Variants in ZNF471 observed in about 807,000 individuals in gnomAD.
ZNF471 encodes the protein EZFIT-related protein 1.
ZNF471 carries 7 observed loss-of-function variants against 13.7 expected under a neutral mutation model. The observed-to-expected ratio is 0.51, with a 90% CI of 0.29 to 0.96. The LOEUF (loss-of-function observed/expected upper bound fraction) is 0.96. Among genes scored for constraint, ZNF471 ranks in the 40% least tolerant of loss-of-function variants. The pLI, the probability that ZNF471 is intolerant of heterozygous loss-of-function variation, is 0.08. For synonymous variants in ZNF471, 218 were observed against 235.6 expected (o/e 0.93, Z 0.68); for missense variants, 663 against 743.3 (o/e 0.89, Z 1.26).
rs186228630 is a variant in ZNF471, at chr19:56,525,509, A to G, written c.1442A>G (p.His481Arg). The G allele has an allele frequency of 1.2e-6, 2 of 1,614,178 alleles. No homozygotes were observed. The highest frequency in any genetic ancestry group is 2.2e-5 in the East Asian group (1 of 44,874). The change falls in exon 5 of 5, where the codon CAT becomes CGT. Residue 481 changes from histidine (H) to arginine (R), a missense_variant. His to Arg is a conservative substitution (Grantham distance 29). Transcript: ENST00000308031. ...CACCTTGTTAGTCATTTGAGAATTCATACTGGTGAAAAACCCTATGAATGT... is the reference window on the plus strand; with the variant it reads ...CACCTTGTTAGTCATTTGAGAATTCGTACTGGTGAAAAACCCTATGAATGT... ...NVHLVSHLRI[H>R]TGEKPYECKE... is the part of the protein sequence containing the mutation.
chr19:56,517,603 C>T (rs1313864206), intron 3 of ZNF471, among the ~76,000 whole-genome samples: 2 of 152,048 alleles, frequency 1.3e-5, no homozygotes, highest in Admixed American at 6.6e-5. Context: ...CTGTGCCTGA[C>T]CTAATTTTTG....
rs1213521211 is a variant in ZNF471, at chr19:56,508,973, G to A, written c.-56+1053G>A. Among the ~76,000 whole-genome samples, 1 of 152,232 alleles carries A rather than the reference G, an allele frequency of 6.6e-6. No homozygotes were observed. Among genetic ancestry groups the A allele is most frequent in the Non-Finnish European group, 1.5e-5 (1 of 68,046 alleles). The stretch of plus-strand genomic sequence containing the variant: ...GACTAGGTTATGTTGTTATGAGTTT[G>A]TGAGAGAGAGGGAGGCGATCAAAGT... On this transcript the variant is annotated intron_variant, in intron 1 of 4. Coordinates refer to ENST00000308031, the MANE Select transcript of ZNF471 (RefSeq NM_020813.4). The surrounding 1 kb of genome is among the most constrained non-coding windows in gnomAD (Gnocchi z 4.7).
At chr19:56,515,770 CTTCAAT>C (rs1181551122) in intron 2 of ZNF471, among the ~76,000 whole-genome samples, 1 of 152,190 alleles carries the variant, frequency 6.6e-6, no homozygotes, top group African/African-American at 2.4e-5. Context: ...AAAGTTATAA[CTTCAAT>C]TTCATTTTGT....
Position 56,526,033 on chromosome 19 carries a change from A to C in ZNF471, c.*85A>C, listed in dbSNP as rs2044042709. 7.3e-7 allele frequency: 1 copy of C among 1,361,618 alleles called. No individual in the cohort carries two copies. The highest frequency in any genetic ancestry group is 9.9e-7 in the Non-Finnish European group (1 of 1,013,382). 84.3% of individuals were successfully genotyped at this position (1,361,618 alleles called of 1,614,324 possible). ...ATGTCCCACTGGATAAAAAACATAT[A>C]AATGTAAGAAATGTAGAAAAACCTT... On this transcript the variant is annotated 3_prime_UTR_variant, in exon 5 of 5. Coordinates refer to ENST00000308031, the MANE Select transcript of ZNF471 (RefSeq NM_020813.4).
Position 56,527,129 on chromosome 19 carries a change from AG to A in ZNF471, c.*1183del, listed in dbSNP as rs1334601526. ...TGCCCCTCTGGGACAAAGCTTCCAG[AG>A]GAAGGAACAGGCAGCAATCTTTGCT... On this transcript the variant is annotated 3_prime_UTR_variant, in exon 5 of 5. Transcript: ENST00000308031. 1 of 164,078 alleles carries A rather than the reference AG, an allele frequency of 6.1e-6. No homozygotes were observed. Among genetic ancestry groups the A allele is most frequent in the Admixed American group, 6.5e-5 (1 of 15,474 alleles). 10.2% of individuals were successfully genotyped at this position (164,078 alleles called of 1,614,324 possible). A position where few individuals can be genotyped will look rare whatever the true frequency, so the allele number is the denominator to read the frequency against.
At position 56,527,325 on chromosome 19, in the gene ZNF471, C is replaced by A. The variant is rs890921541; in HGVS notation, c.*1377C>A. ...CACAGAAACCCCATCTGAAGGTTAC[C>A]AGCATCAAAGACCAAAGGTAGATAA... On this transcript the variant is annotated 3_prime_UTR_variant, in exon 5 of 5. Coordinates refer to ENST00000308031, the MANE Select transcript of ZNF471 (RefSeq NM_020813.4). 1 of 152,194 alleles carries A rather than the reference C, an allele frequency of 6.6e-6. No homozygotes were observed. The highest frequency in any genetic ancestry group is 2.4e-5 in the African/African-American group (1 of 41,442). 9.4% of individuals were successfully genotyped at this position (152,194 alleles called of 1,614,324 possible).
chr19:56,518,528 G>T lies in ZNF471; in HGVS notation c.207G>T (p.Gly69=), dbSNP rs751156193. The part of the protein sequence containing the change: ...KPYVISLLEQ[G]REPWEMTSEM... ...ATGTGATCTCCTTATTGGAGCAAGG[G>T]AGAGAGCCTTGGGAGATGACGAGTG... The change falls in exon 4 of 5, where the codon GGG becomes GGT. Residue 69 remains glycine (G), a synonymous_variant. Coordinates refer to ENST00000308031, the MANE Select transcript of ZNF471 (RefSeq NM_020813.4). The T allele has an allele frequency of 2.5e-6, 4 of 1,613,854 alleles. No individual in the cohort carries two copies. Among genetic ancestry groups the T allele is most frequent in the East Asian group, 4.5e-5 (2 of 44,850 alleles).
chr19:56,509,838 C>A (rs1353623838), intron 1 of ZNF471: 2 of 984,662 alleles, frequency 2.0e-6, no homozygotes, highest in African/African-American at 3.5e-5. Flanking sequence ...TCTTTGTCAC[C>A]TGAGTGTGTT....
At position 56,525,220 on chromosome 19, in the gene ZNF471, A is replaced by C; in HGVS notation, c.1153A>C (p.Ser385Arg). 5.0e-6 allele frequency: 8 copies of C among 1,614,156 alleles called. No homozygotes were observed. The highest frequency in any genetic ancestry group is 5.1e-6 in the Non-Finnish European group (6 of 1,180,024). The stretch of plus-strand genomic sequence containing the variant: ...TTGCATTGATTGTGGGAAAGCCTTC[A>C]GTGTTCACATAGGACTTATTCTGCA... ...FNCIDCGKAF[S>R]VHIGLILHRR... The change falls in exon 5 of 5, where the codon AGT becomes CGT. Residue 385 changes from serine (S) to arginine (R), a missense_variant. By Grantham distance (110) the Ser-to-Arg change is moderately radical (BLOSUM62 -1). Coordinates refer to ENST00000308031, the MANE Select transcript of ZNF471 (RefSeq NM_020813.4).
rs1414585023 is a variant in ZNF471 at position 56,529,930 on chromosome 19, A to T, written c.*3982A>T. On this transcript the variant is annotated 3_prime_UTR_variant, in exon 5 of 5. Transcript: ENST00000308031. The stretch of plus-strand genomic sequence containing the variant: ...TATAATTACCCTTTGCCACAATTCT[A>T]CACCTAGTCAGTTATGTTCTCAAAA... 6.6e-6 allele frequency: 1 copy of T among 152,256 alleles called. No individual in the cohort carries two copies. The highest frequency in any genetic ancestry group is 1.5e-5 in the Non-Finnish European group (1 of 68,048). The allele number at this position is 152,256 out of a possible 1,614,324, so 9.4% of individuals were successfully genotyped here.
At position 56,507,874 on chromosome 19, in the gene ZNF471, A is replaced by T. The variant is rs1251598886; in HGVS notation, c.-102A>T. 1 of 985,498 alleles carries T rather than the reference A, an allele frequency of 1.0e-6. No individual in the cohort carries two copies. Among genetic ancestry groups the T allele is most frequent in the African/African-American group, 1.7e-5 (1 of 57,344 alleles). 61.0% of individuals were successfully genotyped at this position (985,498 alleles called of 1,614,324 possible). On this transcript the variant is annotated 5_prime_UTR_variant, in exon 1 of 5. Coordinates refer to ENST00000308031, the MANE Select transcript of ZNF471 (RefSeq NM_020813.4). ...CGATGGGGGGTTCCAGCGTCGACTC[A>T]CGGAGTCCTTCGGATGAGAGCGTCT...
rs10404482 is a variant in ZNF471 at position 56,513,924 on chromosome 19, C to T, written c.33+2320C>T. ...GAGATAGTGTAGAGAAATCTTATAC[C>T]ACACCAAGCTTCCCCTATTAATATT... On this transcript the variant is annotated intron_variant, in intron 2 of 4. Coordinates refer to ENST00000308031, the MANE Select transcript of ZNF471 (RefSeq NM_020813.4). 8.5e-3 allele frequency among the ~76,000 whole-genome samples: 1,297 copies of T among 151,842 alleles called. 21 individuals carry two copies. Among genetic ancestry groups the T allele is most frequent in the African/African-American group, 0.028 (1,176 of 41,416 alleles).
At chr19:56,517,394 C>CT (rs2043906998) in intron 3 of ZNF471, among the ~76,000 whole-genome samples, 1 of 151,348 alleles carries the variant, frequency 6.6e-6, no homozygotes, top group African/African-American at 2.4e-5. Flanking sequence ...GCTCCGCCTC[C>CT]TGGGTTCACG....
chr19:56,524,951 G>A lies in ZNF471; in HGVS notation c.884G>A (p.Cys295Tyr), dbSNP rs1201333202. The change falls in exon 5 of 5, where the codon TGC becomes TAC. Residue 295 changes from cysteine to tyrosine, a missense_variant. Transcript: ENST00000308031. This position sits in a 1 kb window ranked among gnomAD's most constrained non-coding sequence, Gnocchi z 4.8. ...GAAAAACCATATAAATGTAAGGAAT[G>A]CAGAAAAGCCTTCAGACAGCCTGCA... ...TGEKPYKCKE[C>Y]RKAFRQPAHL... 2.5e-6 allele frequency: 4 copies of A among 1,614,120 alleles called. No individual in the cohort carries two copies. Among genetic ancestry groups the A allele is most frequent in the Middle Eastern group, 1.6e-4 (1 of 6,062 alleles).
Position 56,510,271 on chromosome 19 carries a change from A to G in ZNF471, c.-55-1246A>G. The G allele has an allele frequency of 1.0e-6, 1 of 985,484 alleles. No individual in the cohort carries two copies. The highest frequency in any genetic ancestry group is 1.2e-6 in the Non-Finnish European group (1 of 829,984). 61.0% of individuals were successfully genotyped at this position (985,484 alleles called of 1,614,324 possible). A position where few individuals can be genotyped will look rare whatever the true frequency, so the allele number is the denominator to read the frequency against. Reference sequence around the variant, plus strand: ...TGAGTAACTGAGGCCTCTTTGAAAGATACCATTGAATGTGTATGTATGAGA... The same window carrying G: ...TGAGTAACTGAGGCCTCTTTGAAAGGTACCATTGAATGTGTATGTATGAGA... On this transcript the variant is annotated intron_variant, in intron 1 of 4. Transcript: ENST00000308031. This position sits in a 1 kb window ranked among gnomAD's most constrained non-coding sequence, Gnocchi z 4.3.
Position 56,525,059 on chromosome 19 carries a change from C to A in ZNF471, c.992C>A (p.Ser331Ter). 1.2e-6 allele frequency: 2 copies of A among 1,613,740 alleles called. No homozygotes were observed. The change falls in exon 5 of 5, where the codon TCG becomes TAG. Residue 331 changes from serine to a stop codon, truncating the protein, a stop_gained. Transcript: ENST00000308031. LOFTEE classifies it low-confidence loss of function (END_TRUNC). ...KECGKAFSDG[S>*]SFARHQRCHT... ...TGTGGCAAAGCCTTCAGTGATGGCT[C>A]GTCTTTTGCTCGACATCAGAGATGT...
Position 56,511,524 on chromosome 19 carries a change from C to T in ZNF471, c.-48C>T. 1 of 1,612,738 alleles carries T rather than the reference C, an allele frequency of 6.2e-7. No individual in the cohort carries two copies. Among genetic ancestry groups the T allele is most frequent in the South Asian group, 1.1e-5 (1 of 90,870 alleles). On this transcript the variant is annotated 5_prime_UTR_variant, in exon 2 of 5. Coordinates refer to ENST00000308031, the MANE Select transcript of ZNF471 (RefSeq NM_020813.4). ...ACCTTTCCCTTCCTTCAGCCTTGCC[C>T]TCCCAAGACACTGTTCTTCAAGAGA...
chr19:56,510,556 C>G lies in ZNF471; in HGVS notation c.-55-961C>G, dbSNP rs1260140255. ...GTGAATCACCACGTGTGCTTATATT[C>G]ATGTCCTCAGGCAATGGAAATGTGA... is the stretch of plus-strand genomic sequence containing the variant. On this transcript the variant is annotated intron_variant, in intron 1 of 4. Coordinates refer to ENST00000308031, the MANE Select transcript of ZNF471 (RefSeq NM_020813.4). This position sits in a 1 kb window ranked among gnomAD's most constrained non-coding sequence, Gnocchi z 4.3. 1.0e-6 allele frequency: 1 copy of G among 985,590 alleles called. No individual in the cohort carries two copies. The highest frequency in any genetic ancestry group is 1.2e-6 in the Non-Finnish European group (1 of 830,020). 61.1% of individuals were successfully genotyped at this position (985,590 alleles called of 1,614,324 possible).
rs776399463 is a variant in ZNF471, at chr19:56,525,550, G to C, written c.1483G>C (p.Ala495Pro). The C allele has an allele frequency of 1.2e-5, 19 of 1,614,032 alleles. 1 individual carries two copies. In the South Asian group the frequency reaches 1.8e-4, roughly 15 times the overall value. Reference sequence around the variant, plus strand: ...CTATGAATGTAAAGAATGTGGAAAAGCTTTTAGAATCAGTTCACAGCTGGC... The same window carrying C: ...CTATGAATGTAAAGAATGTGGAAAACCTTTTAGAATCAGTTCACAGCTGGC... ...KPYECKECGK[A>P]FRISSQLATH... is the part of the protein sequence containing the mutation. Residue 495 changes from alanine (A) to proline (P), a missense_variant, in exon 5 of 5, where the codon GCT (alanine) becomes CCT (proline). Physicochemically the swap from Ala to Pro is conservative, Grantham distance 27. Transcript: ENST00000308031.
Sources: allele counts gnomAD v4.1 joint callset (sites outside exome capture counted in the v4.1 genomes callset), GRCh38; gene constraint gnomAD v4.1.1; non-coding constraint Gnocchi (gnomAD v3.1); transcripts MANE v1.5; gene names NCBI Gene and HGNC (gene_info 2026-07-23, HGNC 2026-07-21).